KDM4A: variants seen among roughly 807,000 people sequenced by gnomAD.
KDM4A encodes the protein lysine demethylase 4A.
KDM4A carries 23 observed loss-of-function variants against 127.1 expected under a neutral mutation model. The observed-to-expected ratio is 0.18, with a 90% CI of 0.13 to 0.26. The LOEUF is 0.26. KDM4A is among the 10% of genes least tolerant of loss of function. The pLI is 1.00. For missense variants in KDM4A, 890 were observed against 1,329.1 expected (o/e 0.67, Z 5.14); for synonymous variants, 443 against 466.5 (o/e 0.95, Z 0.65).
intron 1 of KDM4A, among the ~76,000 whole-genome samples, chr1:43,650,913 G>A (rs1006641943): frequency 6.6e-6 from 1 of 152,202 alleles, no homozygotes; most frequent in African/African-American, 2.4e-5. Context: ...TGGGAGGGAA[G>A]GTGTCATGAA....
In KDM4A at chr1:43,660,403, CT is replaced by C; in HGVS notation, c.421del (p.Tyr141MetfsTer13). On this transcript the variant is annotated frameshift_variant, in exon 4 of 22. Transcript: ENST00000372396. LOFTEE classifies it high-confidence loss of function. ...ATGGTGCAGATGTGAATGGTACCCTCTATGAAAAGGTGAGGCTCACTGGAAA... is the reference window on the plus strand; with the variant it reads ...ATGGTGCAGATGTGAATGGTACCCTCATGAAAAGGTGAGGCTCACTGGAAA... ...IYGADVNGTL[Y>X]EKHVDEWNIG... The C allele has an allele frequency of 6.2e-7, 1 of 1,602,014 alleles. No homozygotes were observed. Among genetic ancestry groups the C allele is most frequent in the Non-Finnish European group, 8.5e-7 (1 of 1,173,180 alleles).
intron 20 of KDM4A, 106 bp downstream of exon 20, chr1:43,703,842 G>A (rs1425627075): frequency 2.0e-6 from 3 of 1,493,690 alleles, no homozygotes; most frequent in African/African-American, 2.8e-5. Flanking sequence ...TAATAGGTTG[G>A]TAACCCTTTC....
chr1:43,683,852 A>G, intron 12 of KDM4A, 48 bp downstream of exon 12: 1 of 1,607,228 alleles, frequency 6.2e-7, no homozygotes, highest in Non-Finnish European at 8.5e-7. Context: ...TCACCACATT[A>G]GACTTGACAG....
chr1:43,651,706 C>T (rs1660117789), intron 1 of KDM4A, among the ~76,000 whole-genome samples: 1 of 152,196 alleles, frequency 6.6e-6, no homozygotes, highest in Non-Finnish European at 1.5e-5. Flanking sequence ...ACTGGTGTTC[C>T]TTCTAGAATG....
intron 4 of KDM4A, 72 bp from the exon 5 acceptor site, chr1:43,662,822 T>C: frequency 3.0e-6 from 4 of 1,338,048 alleles, no homozygotes; most frequent in Non-Finnish European, 4.1e-6. Flanking sequence ...TGTGACCTAC[T>C]CTGATTTGTA....
intron 20 of KDM4A, 104 bp from the exon 21 acceptor site, chr1:43,703,916 T>C: frequency 4.6e-6 from 6 of 1,290,680 alleles, no homozygotes; most frequent in East Asian, 2.3e-5. Flanking sequence ...GTTATTTTAG[T>C]GTTCTAACTC....
intron 2 of KDM4A, among the ~76,000 whole-genome samples, chr1:43,654,471 C>CT (rs1197178353): frequency 1.5e-5 from 2 of 134,830 alleles, no homozygotes; most frequent in African/African-American, 2.7e-5. Flanking sequence ...TTTTTTTTTT[C>CT]TTTTTTCCTT....
Position 43,694,858 on chromosome 1 carries a change from C to T in KDM4A, c.2634C>T (p.Phe878=). 1 of 1,605,338 alleles carries T rather than the reference C, an allele frequency of 6.2e-7. No individual in the cohort carries two copies. The highest frequency in any genetic ancestry group is 8.5e-7 in the Non-Finnish European group (1 of 1,172,482). Residue 878 remains phenylalanine, a synonymous_variant, in exon 18 of 22, where the codon TTC becomes TTT. Transcript: ENST00000372396. The surrounding 1 kb of genome is among the most constrained non-coding windows in gnomAD (Gnocchi z 5.2). ...MQPDDWPFVV[F]ITCFRHKIPN... ...CTGACGACTGGCCTTTTGTGGTCTT[C>T]ATTACCTGCTTTCGGCACAAGATTC...
intron 11 of KDM4A, among the ~76,000 whole-genome samples, chr1:43,676,858 T>G (rs1216009104): frequency 2.6e-5 from 4 of 152,184 alleles, no homozygotes; most frequent in Non-Finnish European, 5.9e-5. Context: ...ACATTCAAAT[T>G]ATTCTATTTT....
chr1:43,696,877 C>A (rs1661253392), intron 18 of KDM4A, among the ~76,000 whole-genome samples: 1 of 151,802 alleles, frequency 6.6e-6, no homozygotes, highest in South Asian at 2.1e-4. Flanking sequence ...ATGCCAGGCA[C>A]AGTTTTAGGT....
intron 20 of KDM4A, 45 bp from the exon 21 acceptor site, chr1:43,703,971 GGAAA>G: frequency 6.5e-7 from 1 of 1,528,068 alleles, no homozygotes; most frequent in Non-Finnish European, 9.1e-7. Context: ...GGTGGACCAG[GGAAA>G]GAGTCAGGGA....
intron 11 of KDM4A, among the ~76,000 whole-genome samples, chr1:43,672,305 C>T (rs1660639583): frequency 6.6e-6 from 1 of 151,952 alleles, no homozygotes; most frequent in Non-Finnish European, 1.5e-5. Flanking sequence ...TCTCCTGCCT[C>T]AGCCTCTCGA....
rs1661279893 is a variant in KDM4A, at chr1:43,697,851, G to A, written c.2679G>A (p.Lys893=). The A allele has an allele frequency of 6.2e-7, 1 of 1,612,184 alleles. No homozygotes were observed. The highest frequency in any genetic ancestry group is 1.7e-5 in the Admixed American group (1 of 59,498). Residue 893 remains lysine (K), a synonymous_variant, in exon 19 of 22, where the codon AAG becomes AAA. Transcript: ENST00000372396. ...CCTCTGTTTTTTTCCAGCGTGCCAA[G>A]GGGGCCTTGCAAAGCATCACTGCAG... ...RHKIPNLERA[K]GALQSITAGQ... is the part of the protein sequence containing the mutation.
At chr1:43,685,575 T>C (rs186360187) in intron 12 of KDM4A, among the ~76,000 whole-genome samples, 112 of 152,086 alleles carry the variant, frequency 7.4e-4, no homozygotes, top group Admixed American at 3.0e-3. Context: ...GAGACCATCC[T>C]GGCTAACATG....
At chr1:43,656,937 C>T (rs1660257376) in intron 3 of KDM4A, among the ~76,000 whole-genome samples, 1 of 151,946 alleles carries the variant, frequency 6.6e-6, no homozygotes, top group African/African-American at 2.4e-5. Context: ...ACCGTCTCTA[C>T]TGTCACCCAA....
chr1:43,654,588 T>C (rs1018720712), intron 2 of KDM4A, among the ~76,000 whole-genome samples: 2 of 152,070 alleles, frequency 1.3e-5, no homozygotes, highest in African/African-American at 4.8e-5. Flanking sequence ...AATGGGTAAT[T>C]TGATTATGTG....
At chr1:43,650,923 A>G (rs1390565751) in intron 1 of KDM4A, among the ~76,000 whole-genome samples, 1 of 152,226 alleles carries the variant, frequency 6.6e-6, no homozygotes, top group Admixed American at 6.5e-5. Flanking sequence ...GGTGTCATGA[A>G]ACGGGAGCTT....
intron 2 of KDM4A, among the ~76,000 whole-genome samples, chr1:43,655,051 A>C (rs992978761): frequency 7.9e-5 from 12 of 152,268 alleles, no homozygotes; most frequent in African/African-American, 2.9e-4. Context: ...GGGTTTCACC[A>C]TGTTGGCCAA....
chr1:43,653,355 C>T (rs771221730), intron 2 of KDM4A, 42 bp downstream of exon 2: 1 of 1,544,112 alleles, frequency 6.5e-7, no homozygotes, highest in Non-Finnish European at 8.7e-7. Context: ...TTACCTAGGG[C>T]AGAGCAGTAA....
Sources: allele counts gnomAD v4.1 joint callset (sites outside exome capture counted in the v4.1 genomes callset), GRCh38; gene constraint gnomAD v4.1.1; non-coding constraint Gnocchi (gnomAD v3.1); transcripts MANE v1.5; gene names NCBI Gene and HGNC (gene_info 2026-07-23, HGNC 2026-07-21).